Variants in SPRY3 observed in about 807,000 individuals in gnomAD.
The protein encoded by SPRY3 is protein sprouty homolog 3.
In SPRY3, 15 loss-of-function variants were observed where a neutral mutation model predicts 20.2. The observed-to-expected ratio is 0.74, with a 90% CI of 0.50 to 1.14. The LOEUF (loss-of-function observed/expected upper bound fraction) is 1.14, where lower values mean the gene tolerates loss of function less well. Ranked by LOEUF, SPRY3 falls within the 50% of genes most tolerant of loss-of-function variation. The pLI is 0.00. For missense variants in SPRY3, 364 were observed against 363.9 expected (o/e 1.00, Z 0.00); for synonymous variants, 143 against 136.5 (o/e 1.05, Z -0.33).
intron 1 of SPRY3, among the ~76,000 whole-genome samples, chrX:155,615,688 A>G (rs187366764): frequency 1.8e-5 from 2 of 111,522 alleles, no homozygotes; most frequent in Non-Finnish European, 3.8e-5. Context: ...ACCATACAAA[A>G]TTTTCCTCAC....
At chrX:155,694,202 T>C (rs1291639995) in intron 2 of SPRY3, among the ~76,000 whole-genome samples, 2 of 112,250 alleles carry the variant, frequency 1.8e-5, no homozygotes, top group Non-Finnish European at 1.9e-5. Context: ...TGTTCCTCCA[T>C]TTCCCATTTA....
intron 2 of SPRY3, among the ~76,000 whole-genome samples, chrX:155,709,682 T>C (rs2090973589): frequency 6.6e-6 from 1 of 151,830 alleles, no homozygotes. Context: ...ATCCCAGTTT[T>C]CCATTTTTGC....
At chrX:155,675,859 C>G (rs1182788910) in intron 2 of SPRY3, among the ~76,000 whole-genome samples, 1 of 111,391 alleles carries the variant, frequency 9.0e-6, no homozygotes, top group Non-Finnish European at 1.9e-5. Flanking sequence ...TAATTTGGAT[C>G]CTTTGTCGTA....
chrX:155,741,732 A>C (rs1234511744), intron 2 of SPRY3, among the ~76,000 whole-genome samples: 2 of 152,140 alleles, frequency 1.3e-5, no homozygotes, highest in Middle Eastern at 3.4e-3. Flanking sequence ...AACCCAGAAC[A>C]TCTGGCCAAA....
At chrX:155,760,356 T>C (rs1338335079) in intron 2 of SPRY3, among the ~76,000 whole-genome samples, 1 of 152,200 alleles carries the variant, frequency 6.6e-6, no homozygotes, top group Non-Finnish European at 1.5e-5. Context: ...TCCAAGGCCT[T>C]AGCATAAGGA....
At chrX:155,719,265 T>C (rs2091041059) in intron 2 of SPRY3, among the ~76,000 whole-genome samples, 1 of 152,084 alleles carries the variant, frequency 6.6e-6, no homozygotes, top group African/African-American at 2.4e-5. Flanking sequence ...GGAGGGAGCA[T>C]TTAAACCAGC....
chrX:155,739,349 G>A lies in SPRY3; in HGVS notation c.-281-28613G>A, dbSNP rs756439191. Among the ~76,000 whole-genome samples, 3 of 152,284 alleles carry A rather than the reference G, an allele frequency of 2.0e-5. No homozygotes were observed. In the East Asian group the frequency reaches 5.8e-4, roughly 29 times the overall value. On this transcript the variant is annotated intron_variant, in intron 2 of 3. Transcript: ENST00000675360. ...GCCCCCAGGGGGAGGGGCAACCACT[G>A]TCTCTGCAGTTCAGCTGACAGCATT...
Position 155,767,911 on chromosome X carries a change from T to C in SPRY3, c.-281-51T>C, listed in dbSNP as rs1255161135. ...CTCGCCCCCTCCCCCGTTTTTTTGT[T>C]TTGTTTTGTTTTGTTTTGTTTTGTT... On this transcript the variant is annotated intron_variant, in intron 2 of 3. Coordinates refer to ENST00000675360, the Ensembl canonical transcript of SPRY3. 3.3e-5 allele frequency: 5 copies of C among 149,524 alleles called. No individual in the cohort carries two copies. In the South Asian group the frequency reaches 8.5e-4, roughly 25 times the overall value. 9.3% of individuals were successfully genotyped at this position (149,524 alleles called of 1,614,324 possible). A position where few individuals can be genotyped will look rare whatever the true frequency, so the allele number is the denominator to read the frequency against.
At chrX:155,780,628 G>A (rs2091457727), downstream of SPRY3, 1 of 166,854 alleles carries the variant, frequency 6.0e-6, no homozygotes, top group African/African-American at 2.4e-5. Flanking sequence ...AAAATCATGT[G>A]TCCTTGGATG....
chrX:155,767,751 GGA>G (rs1228378751), intron 2 of SPRY3: 6 of 149,312 alleles, frequency 4.0e-5, no homozygotes, highest in Non-Finnish European at 7.4e-5. Flanking sequence ...AGGAGGAGGA[GGA>G]GAGAGAGGAG....
intron 2 of SPRY3, among the ~76,000 whole-genome samples, chrX:155,728,199 G>A (rs1370542743): frequency 6.6e-6 from 1 of 152,146 alleles, no homozygotes; most frequent in Non-Finnish European, 1.5e-5. Context: ...TCGTCCCAGA[G>A]GGGCACCTGC....
At chrX:155,760,697 CA>C (rs1315335520) in intron 2 of SPRY3, among the ~76,000 whole-genome samples, 1 of 152,116 alleles carries the variant, frequency 6.6e-6, no homozygotes, top group Non-Finnish European at 1.5e-5. Flanking sequence ...TCATAAGGAG[CA>C]TGCAGCTTAG....
At chrX:155,686,205 G>GCT in intron 2 of SPRY3, among the ~76,000 whole-genome samples, 1 of 110,514 alleles carries the variant, frequency 9.0e-6, no homozygotes, top group African/African-American at 3.3e-5. Context: ...TTGCCCACTA[G>GCT]ATAATTTTCA....
At chrX:155,758,549 G>C (rs1295528477) in intron 2 of SPRY3, among the ~76,000 whole-genome samples, 1 of 152,174 alleles carries the variant, frequency 6.6e-6, no homozygotes, top group Non-Finnish European at 1.5e-5. Context: ...GATGTCCACA[G>C]ATCAGCTTTT....
chrX:155,627,128 C>T (rs1360711665), intron 1 of SPRY3, among the ~76,000 whole-genome samples: 2 of 111,474 alleles, frequency 1.8e-5, no homozygotes, highest in Non-Finnish European at 3.8e-5. Context: ...TTCAAGAATA[C>T]AACATATTGT....
At chrX:155,710,533 G>T (rs995657394) in intron 2 of SPRY3, among the ~76,000 whole-genome samples, 17 of 151,510 alleles carry the variant, frequency 1.1e-4, no homozygotes, top group Non-Finnish European at 2.4e-4. Flanking sequence ...GTTACTGAAT[G>T]TGTTTTATCA....
chrX:155,660,568 T>G (rs1319101715), intron 2 of SPRY3, among the ~76,000 whole-genome samples: 1 of 111,385 alleles, frequency 9.0e-6, no homozygotes, highest in Non-Finnish European at 1.9e-5. Flanking sequence ...AATTCCAGAG[T>G]TTCTTTGTTG....
At chrX:155,664,493 G>A (rs782192172) in intron 2 of SPRY3, among the ~76,000 whole-genome samples, 1 of 108,859 alleles carries the variant, frequency 9.2e-6, no homozygotes, top group South Asian at 3.9e-4. Flanking sequence ...TTTAAAAAGT[G>A]TAATATTATA....
intron 2 of SPRY3, among the ~76,000 whole-genome samples, chrX:155,761,302 T>G (rs1254533833): frequency 1.3e-5 from 2 of 152,236 alleles, no homozygotes; most frequent in Non-Finnish European, 2.9e-5. Context: ...TTCTAACATC[T>G]GCTTACTCCT....
Sources: allele counts gnomAD v4.1 joint callset (sites outside exome capture counted in the v4.1 genomes callset), GRCh38; gene constraint gnomAD v4.1.1; transcripts MANE v1.5; gene names NCBI Gene and HGNC (gene_info 2026-07-23, HGNC 2026-07-21).